Variants in CDH13 observed in about 807,000 individuals in gnomAD.
The protein encoded by CDH13 is cadherin-13.
Under a neutral mutation model 63.8 loss-of-function variants are expected in CDH13, and 24 were observed. That is an observed-to-expected ratio of 0.38 (90% confidence interval 0.27 to 0.53). The LOEUF (loss-of-function observed/expected upper bound fraction) is 0.53. Among genes scored for constraint, CDH13 ranks in the 20% least tolerant of loss-of-function variants. The pLI, the probability that CDH13 is intolerant of heterozygous loss-of-function variation, is 0.85. For missense variants in CDH13, 1,049 were observed against 903.1 expected (o/e 1.16, Z -2.07); for synonymous variants, 503 against 355.3 (o/e 1.42, Z -4.67).
chr16:83,670,639 A>G, intron 8 of CDH13, 151 bp from the exon 9 acceptor site: 1 of 738,352 alleles, frequency 1.4e-6, no homozygotes, highest in Admixed American at 2.4e-5. Flanking sequence ...GAAAGCTGAG[A>G]AGAAGAGCAT....
At chr16:83,706,208 C>G (rs751379606) in intron 10 of CDH13, among the ~76,000 whole-genome samples, 5 of 152,314 alleles carry the variant, frequency 3.3e-5, no homozygotes, top group Admixed American at 3.3e-4. Context: ...CTCCACGAGG[C>G]CTGGGCTCTC....
At chr16:83,679,525 G>A (rs1340522902) in intron 10 of CDH13, among the ~76,000 whole-genome samples, 2 of 152,194 alleles carry the variant, frequency 1.3e-5, no homozygotes, top group African/African-American at 2.4e-5. Flanking sequence ...ACCAAAAGTG[G>A]ATTTATTTTT....
chr16:82,683,741 C>G (rs562615465), intron 1 of CDH13, among the ~76,000 whole-genome samples: 1 of 152,316 alleles, frequency 6.6e-6, no homozygotes, highest in South Asian at 2.1e-4. Flanking sequence ...TCAGTCCATA[C>G]TTTCTTAATG....
intron 2 of CDH13, among the ~76,000 whole-genome samples, chr16:82,955,153 C>T (rs778299569): frequency 1.1e-4 from 17 of 152,118 alleles, no homozygotes; most frequent in East Asian, 1.9e-4. Context: ...GCTAGGTTAT[C>T]GGCAACTCTA....
At chr16:83,425,040 G>A (rs547020527) in intron 6 of CDH13, among the ~76,000 whole-genome samples, 1 of 152,334 alleles carries the variant, frequency 6.6e-6, no homozygotes, top group South Asian at 2.1e-4. Flanking sequence ...TTTTCCCTTA[G>A]TGGTTCTGGC....
At chr16:83,546,623 C>G (rs753821104) in intron 7 of CDH13, among the ~76,000 whole-genome samples, 4 of 152,268 alleles carry the variant, frequency 2.6e-5, no homozygotes, top group Non-Finnish European at 4.4e-5. Flanking sequence ...TGTCTCTGAT[C>G]TTTACTCAAA....
At chr16:83,185,206 G>T (rs917775938) in intron 4 of CDH13, among the ~76,000 whole-genome samples, 1 of 152,058 alleles carries the variant, frequency 6.6e-6, no homozygotes, top group Non-Finnish European at 1.5e-5. Context: ...CTCTTTGCTG[G>T]TCTACATTCA....
chr16:83,142,693 C>T (rs7202809), intron 4 of CDH13, among the ~76,000 whole-genome samples: 2,178 of 152,242 alleles, frequency 0.014, 49 homozygotes, highest in African/African-American at 0.049. Context: ...TTCTTATTTA[C>T]CCTTTTATCT....
intron 6 of CDH13, among the ~76,000 whole-genome samples, chr16:83,440,770 T>C (rs9923584): frequency 0.32 from 45,424 of 141,556 alleles, 7,264 homozygotes; most frequent in East Asian, 0.43. Context: ...GGGCAGCAGA[T>C]TGAGACTTCA....
chr16:82,978,543 TA>T (rs1233958219), intron 2 of CDH13, among the ~76,000 whole-genome samples: 1 of 152,192 alleles, frequency 6.6e-6, no homozygotes, highest in African/African-American at 2.4e-5. Context: ...CAGCCATAGC[TA>T]AAAGAGGCCA....
chr16:82,821,577 C>G (rs912773271), intron 1 of CDH13, among the ~76,000 whole-genome samples: 3 of 152,194 alleles, frequency 2.0e-5, no homozygotes, highest in Non-Finnish European at 2.9e-5. Flanking sequence ...GTGGCACAGA[C>G]AGTCATGGAG....
intron 3 of CDH13, among the ~76,000 whole-genome samples, chr16:83,104,251 C>T (rs563704017): frequency 2.4e-4 from 37 of 152,302 alleles, no homozygotes; most frequent in African/African-American, 8.9e-4. Context: ...CCTGGTGGAT[C>T]TGACACACCT....
intron 4 of CDH13, among the ~76,000 whole-genome samples, chr16:83,169,623 C>G (rs578245954): frequency 6.6e-6 from 1 of 151,670 alleles, no homozygotes; most frequent in African/African-American, 2.4e-5. Context: ...TTTCCTTTTC[C>G]TATTTGGGTG....
chr16:83,608,749 C>G (rs1449775055), intron 8 of CDH13, among the ~76,000 whole-genome samples: 2 of 150,594 alleles, frequency 1.3e-5, no homozygotes, highest in African/African-American at 4.9e-5. Flanking sequence ...CCCAAGCAAT[C>G]CACCCACCTA....
At chr16:82,656,807 C>G (rs1411342773) in intron 1 of CDH13, among the ~76,000 whole-genome samples, 1 of 152,120 alleles carries the variant, frequency 6.6e-6, no homozygotes, top group African/African-American at 2.4e-5. Context: ...TTGCCTTTCC[C>G]AGAATGTCAT....
chr16:83,602,358 G>A (rs1453402204), intron 7 of CDH13, 96 bp from the exon 8 acceptor site: 19 of 1,190,454 alleles, frequency 1.6e-5, no homozygotes, highest in Middle Eastern at 2.1e-4. Flanking sequence ...AGATGGAGGA[G>A]GGGGAGAGAC....
At chr16:83,681,046 C>T (rs780533898) in intron 10 of CDH13, among the ~76,000 whole-genome samples, 2 of 151,950 alleles carry the variant, frequency 1.3e-5, no homozygotes, top group Admixed American at 6.5e-5. Flanking sequence ...AATAGCCCAG[C>T]CCAAGGCCCA....
At chr16:83,308,494 C>T (rs1187268839) in intron 5 of CDH13, among the ~76,000 whole-genome samples, 1 of 152,160 alleles carries the variant, frequency 6.6e-6, no homozygotes, top group East Asian at 1.9e-4. Context: ...ACTCTCCACA[C>T]AAAGGGAGTA....
At chr16:83,500,552 TCCCTCTCCCTCCTCCTC>T in intron 7 of CDH13, among the ~76,000 whole-genome samples, 1 of 19,258 alleles carries the variant, frequency 5.2e-5, no homozygotes, top group Non-Finnish European at 8.7e-5. Context: ...TCCCTCCTCC[TCCCTCTCCCTCCTCCTC>T]CCTCCTCCTC....
Sources: gnomAD v4.1 joint callset for allele counts (sites outside exome capture counted in the v4.1 genomes callset) on GRCh38, gnomAD v4.1.1 for gene constraint, MANE v1.5 for transcripts, NCBI Gene and HGNC (gene_info 2026-07-23, HGNC 2026-07-21) for gene names.